The following KCNIP4 variants were observed in gnomAD, a reference collection of about 807,000 sequenced individuals.
KCNIP4 encodes the protein potassium voltage-gated channel interacting protein 4.
KCNIP4 carries 12 observed loss-of-function variants against 34.0 expected under a neutral mutation model. The observed-to-expected ratio is 0.35, with a 90% CI of 0.23 to 0.57. The LOEUF (loss-of-function observed/expected upper bound fraction) is 0.57, where lower values mean the gene tolerates loss of function less well. KCNIP4 is among the 20% of genes least tolerant of loss of function. The probability of loss-of-function intolerance (pLI) is 0.83; values close to 1 mark genes in which losing one functional copy is unlikely to be tolerated. For synonymous variants in KCNIP4, 124 were observed against 102.2 expected (o/e 1.21, Z -1.29); for missense variants, 238 against 311.7 (o/e 0.76, Z 1.78).
At position 21,764,993 on chromosome 4, in the gene KCNIP4, C is replaced by T. The variant is rs189812479; in HGVS notation, c.61+183578G>A. 1.1e-3 allele frequency among the ~76,000 whole-genome samples: 172 copies of T among 152,098 alleles called. 1 individual carries two copies. The highest frequency in any genetic ancestry group is 4.0e-3 in the African/African-American group (166 of 41,490). ...AGGCTCTATGAGACCCATATCACAG[C>T]CATGTCAACTTGGGATGGAGCCTAG... is the stretch of plus-strand genomic sequence containing the variant. On this transcript the variant is annotated intron_variant, in intron 1 of 8. Transcript: ENST00000382152.
intron 1 of KCNIP4, among the ~76,000 whole-genome samples, chr4:20,915,185 G>A (rs1198719990): frequency 6.6e-6 from 1 of 152,038 alleles, no homozygotes; most frequent in Non-Finnish European, 1.5e-5. Flanking sequence ...TTTCTCTTAC[G>A]TACTCCAGGA....
chr4:21,931,282 T>C (rs919022011), intron 1 of KCNIP4, among the ~76,000 whole-genome samples: 13 of 151,942 alleles, frequency 8.6e-5, no homozygotes, highest in African/African-American at 3.1e-4. Flanking sequence ...TTTTTTTAAA[T>C]TATACTTTAA....
At chr4:21,391,054 T>C (rs933203712) in intron 1 of KCNIP4, among the ~76,000 whole-genome samples, 7 of 152,274 alleles carry the variant, frequency 4.6e-5, no homozygotes, top group Non-Finnish European at 4.4e-5. Context: ...TTTCATTTTC[T>C]TGACAGCAGA....
At chr4:21,679,391 C>A (rs977087399) in intron 1 of KCNIP4, among the ~76,000 whole-genome samples, 2 of 152,150 alleles carry the variant, frequency 1.3e-5, no homozygotes, top group African/African-American at 4.8e-5. Context: ...GAGGACCTAG[C>A]AAAGGATAGG....
chr4:21,853,824 G>A (rs1724569052), intron 1 of KCNIP4, among the ~76,000 whole-genome samples: 1 of 152,178 alleles, frequency 6.6e-6, no homozygotes, highest in African/African-American at 2.4e-5. Context: ...GGCTGCCACA[G>A]GCAAGTCACT....
intron 3 of KCNIP4, among the ~76,000 whole-genome samples, chr4:20,841,012 C>T (rs746603693): frequency 5.3e-5 from 8 of 152,174 alleles, no homozygotes; most frequent in Non-Finnish European, 8.8e-5. Context: ...TGAGATTGCT[C>T]TTAACATTTT....
At chr4:20,875,969 C>A (rs1723977143) in intron 2 of KCNIP4, among the ~76,000 whole-genome samples, 1 of 152,174 alleles carries the variant, frequency 6.6e-6, no homozygotes, top group Non-Finnish European at 1.5e-5. Flanking sequence ...TTATGCAAGG[C>A]AATGTACTGA....
intron 1 of KCNIP4, among the ~76,000 whole-genome samples, chr4:21,610,160 G>A (rs1306654606): frequency 1.3e-5 from 2 of 152,208 alleles, no homozygotes; most frequent in African/African-American, 4.8e-5. Flanking sequence ...AGCTTGCTAT[G>A]GCTACTGTAA....
intron 5 of KCNIP4, among the ~76,000 whole-genome samples, chr4:20,741,408 T>C (rs189087249): frequency 1.1e-4 from 17 of 151,990 alleles, no homozygotes; most frequent in African/African-American, 3.6e-4. Context: ...AAACTCAAGA[T>C]TGAAACTCAC....
At chr4:21,220,290 C>T (rs1757892740) in intron 1 of KCNIP4, among the ~76,000 whole-genome samples, 1 of 152,078 alleles carries the variant, frequency 6.6e-6, no homozygotes, top group East Asian at 1.9e-4. Context: ...TATAATGCTT[C>T]ACTGATAATA....
chr4:20,759,177 A>C (rs960431393), intron 3 of KCNIP4, among the ~76,000 whole-genome samples: 1 of 152,212 alleles, frequency 6.6e-6, no homozygotes, highest in African/African-American at 2.4e-5. Context: ...TTTATTATAA[A>C]GTAAAAGGAA....
At position 21,556,930 on chromosome 4, in the gene KCNIP4, A is replaced by AAAAAAAAAAAAAAAAAAAAAAAAAAAAC. The variant is rs1553903108; in HGVS notation, c.61+391640_61+391641insGTTTTTTTTTTTTTTTTTTTTTTTTTTT. On this transcript the variant is annotated intron_variant, in intron 1 of 8. Transcript: ENST00000382152. Reference sequence around the variant, plus strand: ...AGCAAGACTCCATCTCAGAAAAAAAAAAAAAAAAAAAAACCAGAAAACAAA... The same window carrying AAAAAAAAAAAAAAAAAAAAAAAAAAAAC: ...AGCAAGACTCCATCTCAGAAAAAAAAAAAAAAAAAAAAAAAAAAAAAAAAAAACAAAAAAAAAAAAACCAGAAAACAAA... Among the ~76,000 whole-genome samples, 58 of 108,188 alleles carry AAAAAAAAAAAAAAAAAAAAAAAAAAAAC rather than the reference A, an allele frequency of 5.4e-4. 1 individual carries two copies. Among genetic ancestry groups the AAAAAAAAAAAAAAAAAAAAAAAAAAAAC allele is most frequent in the East Asian group, 1.6e-3 (5 of 3,096 alleles). 71.0% of individuals were successfully genotyped at this position (108,188 alleles called of 152,430 possible).
At chr4:21,634,348 G>A (rs536784109) in intron 1 of KCNIP4, among the ~76,000 whole-genome samples, 183 of 151,752 alleles carry the variant, frequency 1.2e-3, no homozygotes, top group African/African-American at 4.2e-3. Context: ...AGATGGCATG[G>A]CTTTTTTTAA....
At chr4:21,375,731 T>C (rs532843307) in intron 1 of KCNIP4, among the ~76,000 whole-genome samples, 171 of 152,038 alleles carry the variant, frequency 1.1e-3, no homozygotes, top group African/African-American at 3.9e-3. Flanking sequence ...CACGCCCAGC[T>C]AATTTTTTTT....
chr4:21,208,862 A>G (rs1757032941), intron 1 of KCNIP4, among the ~76,000 whole-genome samples: 1 of 152,154 alleles, frequency 6.6e-6, no homozygotes, highest in Admixed American at 6.5e-5. Flanking sequence ...AAGGGGTAGC[A>G]AGACACCTTC....
rs1378576918 is a variant in KCNIP4, at chr4:20,779,587, C to CACA, written c.289-20698_289-20697insTGT. 6.9e-4 allele frequency among the ~76,000 whole-genome samples: 88 copies of CACA among 127,550 alleles called. 1 individual carries two copies. Among genetic ancestry groups the CACA allele is most frequent in the African/African-American group, 2.4e-3 (81 of 33,522 alleles). 83.7% of individuals were successfully genotyped at this position (127,550 alleles called of 152,430 possible). On this transcript the variant is annotated intron_variant, in intron 3 of 8. Transcript: ENST00000382152. ...CCCCCTGCCCCACAACCCCCCCCCC[C>CACA]CACACAAAAAAGAAATGAAAACAAA...
chr4:21,111,164 C>T (rs569100492), intron 1 of KCNIP4, among the ~76,000 whole-genome samples: 2 of 151,880 alleles, frequency 1.3e-5, no homozygotes, highest in Non-Finnish European at 2.9e-5. Context: ...TTTTTCATTC[C>T]CAGCATTTCA....
At chr4:21,738,854 T>C (rs893803386) in intron 1 of KCNIP4, among the ~76,000 whole-genome samples, 1 of 152,166 alleles carries the variant, frequency 6.6e-6, no homozygotes, top group African/African-American at 2.4e-5. Flanking sequence ...ATAAGATATA[T>C]AGACATACAT....
At chr4:21,432,002 C>T (rs575386350) in intron 1 of KCNIP4, among the ~76,000 whole-genome samples, 3 of 146,726 alleles carry the variant, frequency 2.0e-5, no homozygotes, top group South Asian at 4.3e-4. Flanking sequence ...TGACTAAATG[C>T]CCTATACCTG....
Sources: allele counts gnomAD v4.1 joint callset (sites outside exome capture counted in the v4.1 genomes callset), GRCh38; gene constraint gnomAD v4.1.1; transcripts MANE v1.5; gene names NCBI Gene and HGNC (gene_info 2026-07-23, HGNC 2026-07-21).